ASTN2: variants seen among roughly 807,000 people sequenced by gnomAD.
The protein encoded by ASTN2 is astrotactin-2.
ASTN2 carries 54 observed loss-of-function variants against 139.8 expected under a neutral mutation model. The ratio of observed to expected loss-of-function variants is 0.39; its 90% CI spans 0.31 to 0.48. The LOEUF is 0.48. Among genes scored for constraint, ASTN2 ranks in the 20% least tolerant of loss-of-function variants. The pLI is 0.95. For synonymous variants in ASTN2, 756 were observed against 719.5 expected, an observed-to-expected ratio of 1.05 and a Z score of -0.81; for missense variants, 1,565 against 1,725.1, an observed-to-expected ratio of 0.91 and a Z score of 1.64.
intron 17 of ASTN2, among the ~76,000 whole-genome samples, chr9:116,634,365 C>T (rs58207453): frequency 0.14 from 21,198 of 151,458 alleles, 1,545 homozygotes; most frequent in Middle Eastern, 0.2. Context: ...CCGAGGCGGG[C>T]GGATCACGAG....
intron 4 of ASTN2, among the ~76,000 whole-genome samples, chr9:117,134,032 C>T (rs992626742): frequency 5.9e-5 from 9 of 151,576 alleles, no homozygotes; most frequent in Admixed American, 2.6e-4. Context: ...TCAAAAGGGG[C>T]GGTAAACCTA....
At chr9:116,767,602 A>G (rs1030684561) in intron 13 of ASTN2, among the ~76,000 whole-genome samples, 3 of 152,180 alleles carry the variant, frequency 2.0e-5, no homozygotes, top group African/African-American at 7.2e-5. Flanking sequence ...ACAGACGGAG[A>G]CTACAGGCCT....
chr9:117,365,850 G>C (rs1469622755), intron 1 of ASTN2, among the ~76,000 whole-genome samples: 1 of 152,144 alleles, frequency 6.6e-6, no homozygotes, highest in Non-Finnish European at 1.5e-5. Flanking sequence ...TAGGGGTTTG[G>C]AGGTATCTTA....
At chr9:117,112,678 C>T (rs935798092) in intron 4 of ASTN2, among the ~76,000 whole-genome samples, 4 of 151,952 alleles carry the variant, frequency 2.6e-5, no homozygotes, top group Admixed American at 1.3e-4. Context: ...ACAGGAGAAA[C>T]ATTGTTTTGA....
At chr9:116,544,304 T>A (rs1030056164) in intron 19 of ASTN2, among the ~76,000 whole-genome samples, 1 of 152,076 alleles carries the variant, frequency 6.6e-6, no homozygotes, top group Non-Finnish European at 1.5e-5. Flanking sequence ...CCAGAAACCC[T>A]CCATGTCTAA....
At chr9:117,050,796 CTGACAG>C (rs1838892900) in intron 5 of ASTN2, among the ~76,000 whole-genome samples, 1 of 152,092 alleles carries the variant, frequency 6.6e-6, no homozygotes, top group South Asian at 2.1e-4. Flanking sequence ...CCTCTTTTTC[CTGACAG>C]TGACACTGTG....
At position 116,542,487 on chromosome 9, in the gene ASTN2, T is replaced by C. The variant is rs140937225; in HGVS notation, c.3356-54987A>G. On this transcript the variant is annotated intron_variant, in intron 19 of 22. Transcript: ENST00000313400. The stretch of plus-strand genomic sequence containing the variant: ...TCATTGCAAGGGTATTAGAAAAAAA[T>C]ATAAATTCAATGTTAACTTTAAAAA... Among the ~76,000 whole-genome samples, 4 of 152,196 alleles carry C rather than the reference T, an allele frequency of 2.6e-5. No individual in the cohort carries two copies. The East Asian group carries it at 5.8e-4, about 22-fold the overall frequency.
chr9:117,323,998 C>T (rs1250445825), intron 1 of ASTN2, among the ~76,000 whole-genome samples: 1 of 152,108 alleles, frequency 6.6e-6, no homozygotes. Context: ...CATATGTAGT[C>T]AGTCATGTGC....
intron 16 of ASTN2, among the ~76,000 whole-genome samples, chr9:116,715,321 A>G (rs73515267): frequency 0.012 from 1,874 of 152,292 alleles, 32 homozygotes; most frequent in African/African-American, 0.043. Flanking sequence ...CTAACAAAGA[A>G]GCCAATAGCA....
At chr9:117,328,485 A>G (rs751579571) in intron 1 of ASTN2, among the ~76,000 whole-genome samples, 8 of 152,194 alleles carry the variant, frequency 5.3e-5, no homozygotes, top group Non-Finnish European at 1.2e-4. Context: ...GAAAGACCTC[A>G]GGCTGAATGA....
At chr9:116,550,805 G>C (rs1852309290) in intron 19 of ASTN2, among the ~76,000 whole-genome samples, 1 of 152,180 alleles carries the variant, frequency 6.6e-6, no homozygotes, top group Admixed American at 6.5e-5. Flanking sequence ...GGTAAAGTTA[G>C]GGCTTAAACT....
Position 116,973,765 on chromosome 9 carries a change from T to G in ASTN2, c.1889+1443A>C, listed in dbSNP as rs368718705. Among the ~76,000 whole-genome samples, 232 of 152,350 alleles carry G rather than the reference T, an allele frequency of 1.5e-3. 2 individuals are homozygous for G. Among genetic ancestry groups the G allele is most frequent in the Non-Finnish European group, 2.6e-3 (174 of 68,024 alleles). ...AATGGTAAATATCGATGAATCAGTA[T>G]GTGAATGTGTGTGTGAAGCTATTTT... On this transcript the variant is annotated intron_variant, in intron 10 of 22. Transcript: ENST00000313400.
intron 19 of ASTN2, among the ~76,000 whole-genome samples, chr9:116,593,232 A>C (rs1048187672): frequency 1.3e-5 from 2 of 152,180 alleles, no homozygotes; most frequent in African/African-American, 2.4e-5. Context: ...TTTGCAAGGG[A>C]AATAAAAGGG....
At chr9:116,716,163 A>G (rs954382982) in intron 16 of ASTN2, among the ~76,000 whole-genome samples, 2 of 152,166 alleles carry the variant, frequency 1.3e-5, no homozygotes, top group African/African-American at 4.8e-5. Context: ...TGACAGGGGA[A>G]TGAGTATGAT....
intron 22 of ASTN2, among the ~76,000 whole-genome samples, chr9:116,436,242 G>C (rs1264901133): frequency 6.6e-6 from 1 of 152,176 alleles, no homozygotes; most frequent in African/African-American, 2.4e-5. Flanking sequence ...AGACCTCAGA[G>C]TTCATGGAAT....
chr9:116,563,690 C>T (rs1853042081), intron 19 of ASTN2, among the ~76,000 whole-genome samples: 1 of 152,078 alleles, frequency 6.6e-6, no homozygotes, highest in Non-Finnish European at 1.5e-5. Flanking sequence ...TCTTTTTCTT[C>T]TGTATCAATT....
intron 1 of ASTN2, among the ~76,000 whole-genome samples, chr9:117,387,677 C>T (rs917386348): frequency 6.6e-6 from 1 of 152,146 alleles, no homozygotes; most frequent in African/African-American, 2.4e-5. Flanking sequence ...AAAAACAGAG[C>T]TTGAACCAGA....
In ASTN2 at chr9:116,424,433, C is replaced by A. The variant is rs781690441; in HGVS notation, c.*1418G>T. Among the ~76,000 whole-genome samples, 1 of 152,144 alleles carries A rather than the reference C, an allele frequency of 6.6e-6. No homozygotes were observed. Among genetic ancestry groups the A allele is most frequent in the Non-Finnish European group, 1.5e-5 (1 of 68,012 alleles). ...CTTCAAGGCAGCATCAAGCTTCTTGCCCAAAGCTTCCAATGCCTTGCCAAG... is the reference window on the plus strand; with the variant it reads ...CTTCAAGGCAGCATCAAGCTTCTTGACCAAAGCTTCCAATGCCTTGCCAAG... On this transcript the variant is annotated 3_prime_UTR_variant, in exon 23 of 23. Coordinates refer to ENST00000313400, the MANE Select transcript of ASTN2 (RefSeq NM_001365068.1).
chr9:117,031,126 G>T (rs961751283), intron 6 of ASTN2, among the ~76,000 whole-genome samples: 1 of 152,130 alleles, frequency 6.6e-6, no homozygotes, highest in Non-Finnish European at 1.5e-5. Context: ...TCATTTTGGT[G>T]TTGAGGAGGG....
Sources: allele counts gnomAD v4.1 joint callset (sites outside exome capture counted in the v4.1 genomes callset), GRCh38; gene constraint gnomAD v4.1.1; transcripts MANE v1.5; gene names NCBI Gene and HGNC (gene_info 2026-07-23, HGNC 2026-07-21).